TNXB: variants seen among roughly 807,000 people sequenced by gnomAD.
TNXB encodes tenascin XB.
Under a neutral mutation model 340.5 loss-of-function variants are expected in TNXB, and 183 were observed. The ratio of observed to expected loss-of-function variants is 0.54; its 90% confidence interval spans 0.48 to 0.61. The LOEUF (loss-of-function observed/expected upper bound fraction) is 0.61, where lower values mean the gene tolerates loss of function less well. Among genes scored for constraint, TNXB ranks in the 20% least tolerant of loss-of-function variants. The pLI, the probability that TNXB is intolerant of heterozygous loss-of-function variation, is 0.00. For missense variants in TNXB, 4,613 were observed against 5,446.4 expected (o/e 0.85, Z 4.82); for synonymous variants, 2,121 against 2,314.5 (o/e 0.92, Z 2.40).
chr6:32,056,260 CTACTGGG>C, intron 23 of TNXB, 86 bp from the exon 24 acceptor site: 1 of 1,470,536 alleles, frequency 6.8e-7, no homozygotes, highest in Non-Finnish European at 9.2e-7. Flanking sequence ...ACCATGGCCA[CTACTGGG>C]TATGTGAGGT....
At position 32,063,534 on chromosome 6, in the gene TNXB, T is replaced by C. The variant is rs114188606; in HGVS notation, c.6842-1051A>G. On this transcript the variant is annotated intron_variant, in intron 19 of 43. Coordinates refer to ENST00000644971, the MANE Select transcript of TNXB (RefSeq NM_001365276.2). ...TTTTTAGAAACCAACTTAGATTTTA[T>C]AGCTGAGGGTAGAGAGATGAGACCA... Among the ~76,000 whole-genome samples the C allele has an allele frequency of 8.6e-3, 1,316 of 152,310 alleles. 17 individuals carry two copies. The highest frequency in any genetic ancestry group is 0.014 in the Non-Finnish European group (919 of 68,020).
In TNXB at chr6:32,058,828, C is replaced by T. The variant is rs982386117; in HGVS notation, c.7493-438G>A. 6.6e-6 allele frequency among the ~76,000 whole-genome samples: 1 copy of T among 151,778 alleles called. No individual in the cohort carries two copies. The highest frequency in any genetic ancestry group is 2.4e-5 in the African/African-American group (1 of 41,080). ...ATTAATTTTGTTATAGTGCTTTCAC[C>T]GCAACGCATCAAATAACCATTGAAA... On this transcript the variant is annotated intron_variant, in intron 21 of 43. Transcript: ENST00000644971. This position sits in a 1 kb window ranked among gnomAD's most constrained non-coding sequence, Gnocchi z 5.1.
At position 32,048,565 on chromosome 6, in the gene TNXB, T is replaced by C; in HGVS notation, c.9843A>G (p.Ser3281=). 5.2e-6 allele frequency: 8 copies of C among 1,534,934 alleles called. No homozygotes were observed. The Admixed American group carries it at 5.7e-5, about 11-fold the overall frequency. The change falls in exon 29 of 44, where the codon TCA becomes TCG. Residue 3281 remains serine, a synonymous_variant. Coordinates refer to ENST00000644971, the MANE Select transcript of TNXB (RefSeq NM_001365276.2). ...CAAAGGGGCCCTGGGCCACCGTCCA[T>C]GAGAGGCCCACTGAGTCCGAGGTCA... The part of the protein sequence containing the change: ...AAVTSDSVGL[S]WTVAQGPFDS...
In TNXB at chr6:32,061,029, T is replaced by G. The variant is rs2151906580; in HGVS notation, c.7492+368A>C. 6.6e-6 allele frequency among the ~76,000 whole-genome samples: 1 copy of G among 152,104 alleles called. No individual in the cohort carries two copies. The highest frequency in any genetic ancestry group is 1.9e-4 in the East Asian group (1 of 5,190). ...GCATAATAGCTCTTTTTATAGATGTTGCCTAAATTATTTAGTCATCCCAAC... is the reference window on the plus strand; with the variant it reads ...GCATAATAGCTCTTTTTATAGATGTGGCCTAAATTATTTAGTCATCCCAAC... On this transcript the variant is annotated intron_variant, in intron 21 of 43. Transcript: ENST00000644971. This position sits in a 1 kb window ranked among gnomAD's most constrained non-coding sequence, Gnocchi z 4.4.
rs204879 is a variant in TNXB, at chr6:32,075,380, T to C, written c.4376-1428A>G. Among the ~76,000 whole-genome samples, 3,146 of 152,292 alleles carry C rather than the reference T, an allele frequency of 0.021. 56 individuals carry two copies. Among genetic ancestry groups the C allele is most frequent in the Admixed American group, 0.037 (572 of 15,300 alleles). ...AACTCCACCACAAAACATACTGCATTCCTCACTGTCTGCAGACATCTGGGG... is the reference window on the plus strand; with the variant it reads ...AACTCCACCACAAAACATACTGCATCCCTCACTGTCTGCAGACATCTGGGG... On this transcript the variant is annotated intron_variant, in intron 11 of 43. Transcript: ENST00000644971. This position sits in a 1 kb window ranked among gnomAD's most constrained non-coding sequence, Gnocchi z 4.6.
chr6:32,097,507 T>TATG lies in TNXB; in HGVS notation c.404-61_404-59dup. ...TCTCTCCTGGGAGAGAGGCTGAGCC[T>TATG]ATGTAGTGCTCCTATGTGCAGGCCC... On this transcript the variant is annotated intron_variant, in intron 2 of 43. Transcript: ENST00000644971. The surrounding 1 kb of genome is among the most constrained non-coding windows in gnomAD (Gnocchi z 5.9). 6.5e-7 allele frequency: 1 copy of TATG among 1,541,920 alleles called. No individual in the cohort carries two copies. The highest frequency in any genetic ancestry group is 8.7e-7 in the Non-Finnish European group (1 of 1,146,626).
chr6:32,076,264 C>T (rs1243864534), intron 11 of TNXB, among the ~76,000 whole-genome samples: 1 of 152,194 alleles, frequency 6.6e-6, no homozygotes, highest in Non-Finnish European at 1.5e-5. Flanking sequence ...ATGACTCTGG[C>T]AGTCCCCATG....
Position 32,085,906 on chromosome 6 carries a change from G to C in TNXB, c.2992C>G (p.Pro998Ala). ...FAYFQLRMRVPEGPGAHEEVL... is the reference protein window; with the variant it reads ...FAYFQLRMRVAEGPGAHEEVL... ...TCCTCATGTGCCCCCGGCCCCTCGG[G>C]CACCCGCATGCGCAGTTGGAAGTAG... The change falls in exon 7 of 44, where the codon CCC (proline) becomes GCC (alanine). Residue 998 changes from proline to alanine, a missense_variant. Coordinates refer to ENST00000644971, the MANE Select transcript of TNXB (RefSeq NM_001365276.2). This position sits in a 1 kb window ranked among gnomAD's most constrained non-coding sequence, Gnocchi z 6.4. 1 of 1,608,516 alleles carries C rather than the reference G, an allele frequency of 6.2e-7. No individual in the cohort carries two copies. Among genetic ancestry groups the C allele is most frequent in the Non-Finnish European group, 8.5e-7 (1 of 1,178,774 alleles).
At position 32,069,923 on chromosome 6, in the gene TNXB, C is replaced by T. The variant is rs1246645196; in HGVS notation, c.5279-62G>A. 7.4e-6 allele frequency: 11 copies of T among 1,488,764 alleles called. No individual in the cohort carries two copies. Among genetic ancestry groups the T allele is most frequent in the South Asian group, 5.3e-5 (4 of 75,158 alleles). The allele number at this position is 1,488,764 out of a possible 1,614,324, so 92.2% of individuals were successfully genotyped here. On this transcript the variant is annotated intron_variant, in intron 14 of 43. Coordinates refer to ENST00000644971, the MANE Select transcript of TNXB (RefSeq NM_001365276.2). The surrounding 1 kb of genome is among the most constrained non-coding windows in gnomAD (Gnocchi z 6.2). ...TTTCTGGAAGACTGGGTGACCTCGA[C>T]GGGCAGGATTGAGAGGTCTGGAGAC...
chr6:32,086,055 G>C lies in TNXB; in HGVS notation c.2843C>G (p.Thr948Arg). ...DEPPPSGPST[T>R]QGAQAPLLQQ... ...CAGGAGAGGAGCCTGGGCCCCTTGC[G>C]TCGTCGAGGGGCCTGAGGGAGGAGG... is the stretch of plus-strand genomic sequence containing the variant. The change falls in exon 7 of 44, where the codon ACG becomes AGG. Residue 948 changes from threonine to arginine, a missense_variant. By Grantham distance (71) the Thr-to-Arg change is moderately conservative. Transcript: ENST00000644971. The C allele has an allele frequency of 6.3e-7, 1 of 1,594,660 alleles. No individual in the cohort carries two copies.
In TNXB at chr6:32,089,152, C is replaced by T; in HGVS notation, c.2515+71G>A. ...CATCCAGCCCCTTCCTTCTGCCCTCCCGGAGGGCAGATTCCCTCTCTAGTC... is the reference window on the plus strand; with the variant it reads ...CATCCAGCCCCTTCCTTCTGCCCTCTCGGAGGGCAGATTCCCTCTCTAGTC... On this transcript the variant is annotated intron_variant, in intron 5 of 43. Transcript: ENST00000644971. This position sits in a 1 kb window ranked among gnomAD's most constrained non-coding sequence, Gnocchi z 6.2. The T allele has an allele frequency of 1.9e-6, 3 of 1,565,784 alleles. No homozygotes were observed. Among genetic ancestry groups the T allele is most frequent in the Non-Finnish European group, 2.6e-6 (3 of 1,154,936 alleles).
rs1778816402 is a variant in TNXB at position 32,072,191 on chromosome 6, A to G, written c.4789T>C (p.Trp1597Arg). The G allele has an allele frequency of 6.2e-7, 1 of 1,612,814 alleles. No homozygotes were observed. Among genetic ancestry groups the G allele is most frequent in the Non-Finnish European group, 8.5e-7 (1 of 1,179,448 alleles). The change falls in exon 13 of 44, where the codon TGG (tryptophan) becomes CGG (arginine). Residue 1597 changes from tryptophan to arginine, a missense_variant. Trp to Arg is a moderately radical substitution (Grantham distance 101). This residue lies in a region of TNXB where 4,327 missense variants were observed against 4,859.4 expected (regional missense o/e 0.89). Coordinates refer to ENST00000644971, the MANE Select transcript of TNXB (RefSeq NM_001365276.2). This position sits in a 1 kb window ranked among gnomAD's most constrained non-coding sequence, Gnocchi z 4.4. ...TCGAATTCACCCTCAGGGACTGTCC[A>G]TGAGAGGCCCACAGAGTCAGGGGTT... ...DITPDSVGLS[W>R]TVPEGEFDSF... is the part of the protein sequence containing the mutation.
At chr6:32,092,514 C>G (rs1467124674) in intron 4 of TNXB, among the ~76,000 whole-genome samples, 1 of 152,056 alleles carries the variant, frequency 6.6e-6, no homozygotes, top group African/African-American at 2.4e-5. Context: ...ATTGAATATA[C>G]TCTGTACCCA....
rs1432786472 is a variant in TNXB at position 32,069,145 on chromosome 6, C to G, written c.5588-9G>C. ...CGTTTCTTCCCTGCCGGCTGGTTCA[C>G]AGAGACAGGTAGAGACAGATGGCTG... On this transcript the variant is annotated splice_polypyrimidine_tract_variant and intron_variant, in intron 15 of 43. Coordinates refer to ENST00000644971, the MANE Select transcript of TNXB (RefSeq NM_001365276.2). This position sits in a 1 kb window ranked among gnomAD's most constrained non-coding sequence, Gnocchi z 6.2. 2 of 1,600,942 alleles carry G rather than the reference C, an allele frequency of 1.2e-6. No individual in the cohort carries two copies. Among genetic ancestry groups the G allele is most frequent in the African/African-American group, 1.3e-5 (1 of 74,842 alleles).
chr6:32,097,583 G>T lies in TNXB; in HGVS notation c.404-134C>A. On this transcript the variant is annotated intron_variant, in intron 2 of 43. Coordinates refer to ENST00000644971, the MANE Select transcript of TNXB (RefSeq NM_001365276.2). This position sits in a 1 kb window ranked among gnomAD's most constrained non-coding sequence, Gnocchi z 5.9. The stretch of plus-strand genomic sequence containing the variant: ...AGGCCATGTCTGCTCCCAGTTGCTA[G>T]TATGTGTAATGTATGCAGCCTCTCA... The T allele has an allele frequency of 1.6e-6, 2 of 1,212,588 alleles. No homozygotes were observed. The highest frequency in any genetic ancestry group is 2.2e-6 in the Non-Finnish European group (2 of 889,184). 75.1% of individuals were successfully genotyped at this position (1,212,588 alleles called of 1,614,324 possible).
intron 4 of TNXB, among the ~76,000 whole-genome samples, chr6:32,092,560 G>A (rs922761584): frequency 1.3e-5 from 2 of 152,018 alleles, no homozygotes; most frequent in Non-Finnish European, 2.9e-5. Flanking sequence ...CATTGTGGCA[G>A]GTGTCTGTAA....
chr6:32,100,351 C>T lies in TNXB; in HGVS notation c.-8-2145G>A, dbSNP rs530663887. ...AACTCCTGAACTCAGGCAATCCGCC[C>T]GCCTCGGCTTCCCAAAGTGCTAGGA... On this transcript the variant is annotated intron_variant, in intron 1 of 43. Coordinates refer to ENST00000644971, the MANE Select transcript of TNXB (RefSeq NM_001365276.2). Among the ~76,000 whole-genome samples the T allele has an allele frequency of 5.9e-5, 9 of 152,238 alleles. No homozygotes were observed. In the South Asian group the frequency reaches 1.2e-3, roughly 21 times the overall value.
chr6:32,053,066 C>T (rs1031564088), intron 25 of TNXB, 73 bp from the exon 26 acceptor site: 67 of 1,507,598 alleles, frequency 4.4e-5, no homozygotes, highest in African/African-American at 1.1e-4. Flanking sequence ...GGAAGGAGAG[C>T]GAAGCTGTGG....
In TNXB at chr6:32,044,362, A is replaced by G. The variant is rs1488025786; in HGVS notation, c.11263+19T>C. On this transcript the variant is annotated intron_variant, in intron 33 of 43. Transcript: ENST00000644971. ...TACAAAGACCCCCACTTTGGGGCAG[A>G]GTGTGTGTGGGTCCTTACCTGGGCT... 2.4e-6 allele frequency: 1 copy of G among 418,864 alleles called. No homozygotes were observed. The highest frequency in any genetic ancestry group is 4.0e-6 in the Non-Finnish European group (1 of 250,404). 25.9% of individuals were successfully genotyped at this position (418,864 alleles called of 1,614,324 possible).
Sources: gnomAD v4.1 joint callset for allele counts (sites outside exome capture counted in the v4.1 genomes callset) on GRCh38, gnomAD v4.1.1 for gene constraint, gnomAD v4.1.1 regional missense constraint, Gnocchi (gnomAD v3.1) non-coding constraint, MANE v1.5 for transcripts, NCBI Gene and HGNC (gene_info 2026-07-23, HGNC 2026-07-21) for gene names.